The following PSME4 variants were observed in gnomAD, a reference collection of about 807,000 sequenced individuals.
PSME4 encodes proteasome activator subunit 4, also known as proteasome activator complex subunit 4.
Under a neutral mutation model 253.9 loss-of-function variants are expected in PSME4, and 89 were observed. The ratio of observed to expected loss-of-function variants is 0.35; its 90% confidence interval spans 0.30 to 0.42. PSME4 has a LOEUF of 0.42. PSME4 is among the 10% of genes least tolerant of loss of function. PSME4 has a pLI of 1.00. For synonymous variants in PSME4, 851 were observed against 759.2 expected, an observed-to-expected ratio of 1.12 and a Z score of -1.99; for missense variants, 2,014 against 2,195.2, an observed-to-expected ratio of 0.92 and a Z score of 1.65.
chr2:53,948,761 T>A (rs1669840231), intron 2 of PSME4, among the ~76,000 whole-genome samples: 1 of 152,182 alleles, frequency 6.6e-6, no homozygotes, highest in African/African-American at 2.4e-5. Flanking sequence ...AGAGGGCATT[T>A]AAATTTGTGT....
At position 53,898,396 on chromosome 2, in the gene PSME4, A is replaced by C. The variant is rs765677289; in HGVS notation, c.3423-42T>G. 8 of 1,377,808 alleles carry C rather than the reference A, an allele frequency of 5.8e-6. No homozygotes were observed. The East Asian group carries it at 1.4e-4, about 25-fold the overall frequency. 85.3% of individuals were successfully genotyped at this position (1,377,808 alleles called of 1,614,324 possible). A position where few individuals can be genotyped will look rare whatever the true frequency, so the allele number is the denominator to read the frequency against. ...AGGTATTATTTTACTATAATACTAA[A>C]ATGAACATCAAAAATATAATAGAAA... On this transcript the variant is annotated intron_variant, in intron 29 of 46. Transcript: ENST00000404125.
At chr2:53,909,066 AAAT>A (rs935192965) in intron 21 of PSME4, among the ~76,000 whole-genome samples, 3 of 152,092 alleles carry the variant, frequency 2.0e-5, no homozygotes, top group African/African-American at 7.2e-5. Context: ...AGATAAAGAA[AAAT>A]AATAATAATA....
chr2:53,960,613 T>C (rs751863815), intron 1 of PSME4, among the ~76,000 whole-genome samples: 1 of 152,208 alleles, frequency 6.6e-6, no homozygotes, highest in Non-Finnish European at 1.5e-5. Flanking sequence ...ACAACTCTGT[T>C]AAGAACTCAA....
chr2:53,966,901 T>C (rs564383107), intron 1 of PSME4, among the ~76,000 whole-genome samples: 40 of 152,148 alleles, frequency 2.6e-4, no homozygotes, highest in Non-Finnish European at 4.7e-4. Flanking sequence ...GGTTTCACCA[T>C]GTTGGTCAGG....
chr2:53,900,115 A>G, intron 28 of PSME4, 98 bp from the exon 29 acceptor site: 1 of 1,057,554 alleles, frequency 9.5e-7, no homozygotes, highest in African/African-American at 1.6e-5. Flanking sequence ...GAGGCCAGAC[A>G]CAAAAGTCCA....
intron 1 of PSME4, among the ~76,000 whole-genome samples, chr2:53,960,390 C>T (rs1670429892): frequency 6.9e-6 from 1 of 143,890 alleles, no homozygotes; most frequent in Non-Finnish European, 1.5e-5. Flanking sequence ...CAGAGCGAGA[C>T]TCCATCTCAA....
rs201187633 is a variant in PSME4 at position 53,895,603 on chromosome 2, C to G, written c.3822G>C (p.Trp1274Cys). Residue 1274 changes from tryptophan to cysteine, a missense_variant, in exon 33 of 47, where the codon TGG becomes TGC. By Grantham distance (215) the Trp-to-Cys change is radical. Around this residue, in one of 4 missense-constraint regions of PSME4, gnomAD observed 989 missense variants for 1,021.1 expected, o/e 0.97. Coordinates refer to ENST00000404125, the MANE Select transcript of PSME4 (RefSeq NM_014614.3). ...ESSCFVEKTH[W>C]GYYTWPKNMV... ...CTTACTTTGGCCAGGTGTAGTATCC[C>G]CAGTGAGTTTTTTCCACAAAGCAAC... The G allele has an allele frequency of 2.3e-4, 370 of 1,612,298 alleles. No homozygotes were observed. Among genetic ancestry groups the G allele is most frequent in the Non-Finnish European group, 2.8e-4 (336 of 1,179,328 alleles).
chr2:53,925,820 T>A (rs1223914750), intron 13 of PSME4, 131 bp from the exon 14 acceptor site: 11 of 1,258,160 alleles, frequency 8.7e-6, no homozygotes, highest in Middle Eastern at 1.9e-4. Context: ...GGTTCACAAA[T>A]CGATTATCCT....
At chr2:53,952,422 A>C (rs1287410169) in intron 1 of PSME4, among the ~76,000 whole-genome samples, 1 of 152,126 alleles carries the variant, frequency 6.6e-6, no homozygotes, top group Admixed American at 6.5e-5. Context: ...CGCGCCTCTA[A>C]TCCCAGCTAC....
At chr2:53,946,941 G>C (rs1460687748) in intron 3 of PSME4, among the ~76,000 whole-genome samples, 1 of 151,806 alleles carries the variant, frequency 6.6e-6, no homozygotes, top group Non-Finnish European at 1.5e-5. Context: ...AAGGGAGAGA[G>C]GAAGGGAGGG....
At chr2:53,931,729 A>G (rs1400718110) in intron 10 of PSME4, 106 bp downstream of exon 10, 2 of 1,194,224 alleles carry the variant, frequency 1.7e-6, no homozygotes, top group Non-Finnish European at 2.4e-6. Context: ...GAACAGGAAT[A>G]AGCATCGAAG....
chr2:53,917,056 A>G (rs1195454104), intron 20 of PSME4, among the ~76,000 whole-genome samples: 3 of 135,194 alleles, frequency 2.2e-5, no homozygotes, highest in Admixed American at 7.4e-5. Context: ...TCATTATATT[A>G]TTAAGTATCA....
rs1680394596 is a variant in PSME4, at chr2:53,901,443, T to G, written c.3192A>C (p.Ala1064=). 1 of 1,614,160 alleles carries G rather than the reference T, an allele frequency of 6.2e-7. No homozygotes were observed. Among genetic ancestry groups the G allele is most frequent in the South Asian group, 1.1e-5 (1 of 91,086 alleles). The stretch of plus-strand genomic sequence containing the variant: ...CTATTGATGGCTTTTCCAGGGACAT[T>G]GCTTGGCTAAGCCCTGAAGAAACAA... ...PAIVSSGLSQ[A]MSLEKPSIVR... Residue 1064 remains alanine (A), a synonymous_variant, in exon 28 of 47, where the codon GCA becomes GCC. Transcript: ENST00000404125.
chr2:53,885,388 C>A (rs1679590128), intron 41 of PSME4, among the ~76,000 whole-genome samples: 1 of 152,138 alleles, frequency 6.6e-6, no homozygotes, highest in East Asian at 1.9e-4. Flanking sequence ...TTCTTTGTAG[C>A]TTTTCTTTTA....
intron 33 of PSME4, 126 bp from the exon 34 acceptor site, chr2:53,895,202 A>G (rs1680087826): frequency 1.4e-6 from 1 of 734,104 alleles, no homozygotes; most frequent in East Asian, 2.6e-5. Context: ...AGATGAGTAC[A>G]GCAGTAACAG....
Position 53,875,712 on chromosome 2 carries a change from C to G in PSME4, c.4859G>C (p.Arg1620Thr). The G allele has an allele frequency of 1.2e-6, 2 of 1,613,314 alleles. No individual in the cohort carries two copies. The highest frequency in any genetic ancestry group is 1.7e-6 in the Non-Finnish European group (2 of 1,179,462). ...TAATGATAAACATAACTTTGCATCT[C>G]TTTTCAGTTCATCGTAGCTATTGTC... ...ENDNSYDELK[R>T]DAKLCLSLMS... is the part of the protein sequence containing the mutation. Residue 1620 changes from arginine to threonine, a missense_variant, in exon 42 of 47, where the codon AGA (arginine) becomes ACA (threonine). Physicochemically the swap from Arg to Thr is moderately conservative, Grantham distance 71. This residue lies in a region of PSME4 where 403 missense variants were observed against 556.1 expected (regional missense o/e 0.72). Transcript: ENST00000404125.
At chr2:53,917,718 C>G (rs1573284757) in intron 20 of PSME4, among the ~76,000 whole-genome samples, 1 of 152,164 alleles carries the variant, frequency 6.6e-6, no homozygotes, top group African/African-American at 2.4e-5. Context: ...TATGAAATAG[C>G]TTTTTGCCTG....
intron 20 of PSME4, among the ~76,000 whole-genome samples, chr2:53,911,353 C>T (rs769293125): frequency 6.6e-6 from 1 of 152,074 alleles, no homozygotes; most frequent in Non-Finnish European, 1.5e-5. Flanking sequence ...ACTTTCAAGA[C>T]CAAATTCCTC....
rs200464726 is a variant in PSME4 at position 53,906,812 on chromosome 2, C to T, written c.2841G>A (p.Gln947=). The change falls in exon 25 of 47, where the codon CAG becomes CAA. Residue 947 remains glutamine, a synonymous_variant. Coordinates refer to ENST00000404125, the MANE Select transcript of PSME4 (RefSeq NM_014614.3). The stretch of plus-strand genomic sequence containing the variant: ...GACTGAAAAACATATTTACCTCATG[C>T]TGTAACATTACTCTATCAATCAACA... ...RALLIDRVML[Q]HELRTLTVEG... The T allele has an allele frequency of 8.4e-5, 135 of 1,613,250 alleles. No homozygotes were observed. Among genetic ancestry groups the T allele is most frequent in the Admixed American group, 1.5e-4 (9 of 59,924 alleles).
Sources: allele counts gnomAD v4.1 joint callset (sites outside exome capture counted in the v4.1 genomes callset), GRCh38; gene constraint gnomAD v4.1.1; regional missense constraint gnomAD v4.1.1; transcripts MANE v1.5; gene names NCBI Gene and HGNC (gene_info 2026-07-23, HGNC 2026-07-21).